Variants in TSR1 observed in about 807,000 individuals in gnomAD.
The protein encoded by TSR1 is pre-rRNA-processing protein TSR1 homolog.
A neutral mutation model predicts 90.9 loss-of-function variants in TSR1; 81 were observed. The observed-to-expected ratio is 0.89, with a 90% CI of 0.74 to 1.07. TSR1 has a LOEUF of 1.07. TSR1 is among the 50% of genes least tolerant of loss of function. The pLI, the probability that TSR1 is intolerant of heterozygous loss-of-function variation, is 0.00. For missense variants in TSR1, 989 were observed against 987.3 expected, an observed-to-expected ratio of 1.00 and a Z score of -0.02; for synonymous variants, 362 against 348.8, an observed-to-expected ratio of 1.04 and a Z score of -0.42.
At position 2,334,800 on chromosome 17, in the gene TSR1, T is replaced by C. The variant is rs775395851; in HGVS notation, c.653A>G (p.Asp218Gly). 19 of 1,614,146 alleles carry C rather than the reference T, an allele frequency of 1.2e-5. No individual in the cohort carries two copies. The highest frequency in any genetic ancestry group is 1.4e-5 in the Non-Finnish European group (17 of 1,180,066). Reference protein sequence around the residue: ...SKAVEKRFPHDKLLLLDTQQE... With the variant: ...SKAVEKRFPHGKLLLLDTQQE... ...TTGAGTGTCTAACAAGAGGAGTTTG[T>C]CATGCGGAAAGCGCTTCTCCACTGC... Residue 218 changes from aspartate (D) to glycine (G), a missense_variant, in exon 5 of 15, where the codon GAC becomes GGC. Transcript: ENST00000301364.
chr17:2,325,355 G>A lies in TSR1; in HGVS notation c.1969C>T (p.Pro657Ser). 6.2e-7 allele frequency: 1 copy of A among 1,613,506 alleles called. No homozygotes were observed. The highest frequency in any genetic ancestry group is 8.5e-7 in the Non-Finnish European group (1 of 1,179,920). Residue 657 changes from proline to serine, a missense_variant, in exon 12 of 15, where the codon CCA becomes TCA. Physicochemically the swap from Pro to Ser is moderately conservative, Grantham distance 74. Coordinates refer to ENST00000301364, the MANE Select transcript of TSR1 (RefSeq NM_018128.5). The stretch of plus-strand genomic sequence containing the variant: ...ACAGATGCAGGAGGAAAAGTGATTG[G>A]CGCATAGACTGTCGCCACCAGGGCC... ...DMALVATVYA[P>S]ITFPPASVLL... is the part of the protein sequence containing the mutation.
In TSR1 at chr17:2,323,973, G is replaced by T; in HGVS notation, c.*223C>A. ...TCTTAGTTATCAGATTCTTAATGGA[G>T]AGTGGCTATTTCATTAAGATTTAAT... On this transcript the variant is annotated 3_prime_UTR_variant, in exon 15 of 15. Coordinates refer to ENST00000301364, the MANE Select transcript of TSR1 (RefSeq NM_018128.5). 1 of 1,198,478 alleles carries T rather than the reference G, an allele frequency of 8.3e-7. No homozygotes were observed. The highest frequency in any genetic ancestry group is 1.2e-6 in the Non-Finnish European group (1 of 853,516). 74.2% of individuals were successfully genotyped at this position (1,198,478 alleles called of 1,614,324 possible).
At chr17:2,331,264 G>C (rs184604160) in intron 8 of TSR1, among the ~76,000 whole-genome samples, 155 bp from the exon 9 acceptor site, 1 of 152,118 alleles carries the variant, frequency 6.6e-6, no homozygotes, top group African/African-American at 2.4e-5. Flanking sequence ...ACGACACTCC[G>C]AACAGCTTAT....
At chr17:2,333,204 C>T in intron 6 of TSR1, 80 bp from the exon 7 acceptor site, 12 of 1,475,002 alleles carry the variant, frequency 8.1e-6, no homozygotes, top group Non-Finnish European at 1.1e-5. Context: ...AGGCAAGGCA[C>T]CAGATACTGC....
chr17:2,333,837 A>G, intron 5 of TSR1, 121 bp from the exon 6 acceptor site: 1 of 1,180,982 alleles, frequency 8.5e-7, no homozygotes, highest in Non-Finnish European at 1.2e-6. Flanking sequence ...ACAGAATGCT[A>G]AAACTTGTCA....
At chr17:2,329,815 C>T (rs1204397712) in intron 10 of TSR1, among the ~76,000 whole-genome samples, 2 of 152,158 alleles carry the variant, frequency 1.3e-5, no homozygotes, top group Non-Finnish European at 2.9e-5. Flanking sequence ...CATTCAAGCC[C>T]CTTCTTCTTG....
chr17:2,334,805 C>T lies in TSR1; in HGVS notation c.648G>A (p.Pro216=), dbSNP rs767753039. The T allele has an allele frequency of 1.4e-5, 22 of 1,614,074 alleles. No homozygotes were observed. The highest frequency in any genetic ancestry group is 1.1e-4 in the African/African-American group (8 of 74,936). ...TGTCTAACAAGAGGAGTTTGTCATG[C>T]GGAAAGCGCTTCTCCACTGCTTTAC... ...KLSKAVEKRF[P]HDKLLLLDTQ... Residue 216 remains proline (P), a synonymous_variant, in exon 5 of 15, where the codon CCG becomes CCA. Coordinates refer to ENST00000301364, the MANE Select transcript of TSR1 (RefSeq NM_018128.5).
chr17:2,329,469 C>T lies in TSR1; in HGVS notation c.1777G>A (p.Val593Ile). The change falls in exon 11 of 15, where the codon GTA becomes ATA. Residue 593 changes from valine (V) to isoleucine (I), a missense_variant. Val to Ile is a conservative substitution (Grantham distance 29). Transcript: ENST00000301364. ...SLLPHEQKMS[V>I]LNMVVRRDPG... ...TCACGCCTCACCACCATATTCAATA[C>T]TGACATCTGGGGACCAAGTAAGAAA... 6.2e-7 allele frequency: 1 copy of T among 1,614,138 alleles called. No individual in the cohort carries two copies.
Position 2,322,985 on chromosome 17 carries a change from G to T in TSR1, c.*1211C>A, listed in dbSNP as rs538887914. On this transcript the variant is annotated 3_prime_UTR_variant, in exon 15 of 15. Transcript: ENST00000301364. ...TCACCAGGTTGGCCAGGCTGGTCTT[G>T]AACTCCTGACCTCAGCTGATCCACC... 5.2e-4 allele frequency: 369 copies of T among 707,916 alleles called. 1 individual carries two copies. In the East Asian group the frequency reaches 9.4e-3, roughly 18 times the overall value. The allele number at this position is 707,916 out of a possible 1,614,324, so 43.9% of individuals were successfully genotyped here.
chr17:2,328,643 G>A (rs758113920), intron 11 of TSR1, among the ~76,000 whole-genome samples: 18 of 149,244 alleles, frequency 1.2e-4, no homozygotes, highest in East Asian at 4.0e-4. Context: ...AAGAGGGGGC[G>A]CGGTGGCTCA....
chr17:2,330,455 CT>C, intron 10 of TSR1, 59 bp downstream of exon 10: 1 of 1,492,750 alleles, frequency 6.7e-7, no homozygotes, highest in South Asian at 1.1e-5. Context: ...GAATTTTAGA[CT>C]GTCAGAAGCA....
At chr17:2,333,289 G>A in intron 6 of TSR1, 165 bp from the exon 7 acceptor site, 1 of 903,848 alleles carries the variant, frequency 1.1e-6, no homozygotes, top group Non-Finnish European at 1.8e-6. Context: ...CTCACAACTA[G>A]CAATACTTAC....
chr17:2,326,562 G>A (rs1018992980), intron 11 of TSR1, among the ~76,000 whole-genome samples: 25 of 152,022 alleles, frequency 1.6e-4, no homozygotes, highest in African/African-American at 9.7e-5. Context: ...TTTAAATTCT[G>A]AGAGACAGTG....
Position 2,323,799 on chromosome 17 carries a change from G to A in TSR1, c.*397C>T. On this transcript the variant is annotated 3_prime_UTR_variant, in exon 15 of 15. Transcript: ENST00000301364. ...TTGTATTGTGCTCAGTGGTGGAAATGTAGACTTAACCTCCTCCATAACTTG... is the reference window on the plus strand; with the variant it reads ...TTGTATTGTGCTCAGTGGTGGAAATATAGACTTAACCTCCTCCATAACTTG... 10 of 1,614,208 alleles carry A rather than the reference G, an allele frequency of 6.2e-6. No individual in the cohort carries two copies. The highest frequency in any genetic ancestry group is 8.5e-6 in the Non-Finnish European group (10 of 1,180,044).
In TSR1 at chr17:2,324,631, A is replaced by G. The variant is rs186558610; in HGVS notation, c.2162-53T>C. ...GATGAAACATTTACCCACAAAATGT[A>G]AACCCAACCTTTATACCACAAAGGC... On this transcript the variant is annotated intron_variant, in intron 13 of 14. Coordinates refer to ENST00000301364, the MANE Select transcript of TSR1 (RefSeq NM_018128.5). 36 of 1,614,062 alleles carry G rather than the reference A, an allele frequency of 2.2e-5. No homozygotes were observed. The East Asian group carries it at 7.1e-4, about 32-fold the overall frequency.
intron 11 of TSR1, among the ~76,000 whole-genome samples, chr17:2,326,347 C>T (rs953571380): frequency 6.6e-6 from 1 of 152,086 alleles, no homozygotes; most frequent in African/African-American, 2.4e-5. Context: ...TTCAGAAGCC[C>T]CCAAGTTAGT....
rs1435995135 is a variant in TSR1, at chr17:2,323,017, G to A, written c.*1179C>T. 1.8e-5 allele frequency: 18 copies of A among 1,024,506 alleles called. No homozygotes were observed. Among genetic ancestry groups the A allele is most frequent in the Middle Eastern group, 3.1e-4 (1 of 3,236 alleles). 63.5% of individuals were successfully genotyped at this position (1,024,506 alleles called of 1,614,324 possible). A position where few individuals can be genotyped will look rare whatever the true frequency, so the allele number is the denominator to read the frequency against. ...TGACCTCAGCTGATCCACCCGCCTC[G>A]GGCTCCCAAAGTGTTGGGATTACAG... On this transcript the variant is annotated 3_prime_UTR_variant, in exon 15 of 15. Coordinates refer to ENST00000301364, the MANE Select transcript of TSR1 (RefSeq NM_018128.5).
intron 6 of TSR1, 64 bp from the exon 7 acceptor site, chr17:2,333,188 T>C (rs2064020404): frequency 3.8e-6 from 6 of 1,574,812 alleles, no homozygotes; most frequent in African/African-American, 2.7e-5. Context: ...CTGGTTATTC[T>C]CACCTAGGCA....
At chr17:2,328,593 A>AAAC (rs2075587433) in intron 11 of TSR1, among the ~76,000 whole-genome samples, 1 of 150,618 alleles carries the variant, frequency 6.6e-6, no homozygotes, top group African/African-American at 2.5e-5. Context: ...CGTCTCCAAA[A>AAAC]AAACAAACAA....
Sources: allele counts gnomAD v4.1 joint callset (sites outside exome capture counted in the v4.1 genomes callset), GRCh38; gene constraint gnomAD v4.1.1; transcripts MANE v1.5; gene names NCBI Gene and HGNC (gene_info 2026-07-23, HGNC 2026-07-21).